ANXA3: variants seen among roughly 807,000 people sequenced by gnomAD.
ANXA3 encodes annexin A3.
A neutral mutation model predicts 48.8 loss-of-function variants in ANXA3; 46 were observed. The ratio of observed to expected loss-of-function variants is 0.94; its 90% CI spans 0.74 to 1.21. The LOEUF (loss-of-function observed/expected upper bound fraction) is 1.21. ANXA3 is among the 50% of genes most tolerant of loss of function. The probability of loss-of-function intolerance (pLI) is 0.00; values close to 1 mark genes in which losing one functional copy is unlikely to be tolerated. For missense variants in ANXA3, 383 were observed against 378.6 expected (o/e 1.01, Z -0.10); for synonymous variants, 128 against 134.7 (o/e 0.95, Z 0.35).
intron 6 of ANXA3, among the ~76,000 whole-genome samples, chr4:78,590,900 C>G (rs1176701957): frequency 6.6e-6 from 1 of 152,078 alleles, no homozygotes; most frequent in East Asian, 1.9e-4. Flanking sequence ...GACAGCTACT[C>G]AAAGCTTTTA....
chr4:78,556,620 G>A (rs140154842), intron 2 of ANXA3, among the ~76,000 whole-genome samples: 3 of 152,240 alleles, frequency 2.0e-5, no homozygotes, highest in Non-Finnish European at 4.4e-5. Flanking sequence ...TGGAAGGTGT[G>A]CTGTTGGAAG....
intron 3 of ANXA3, among the ~76,000 whole-genome samples, chr4:78,576,275 T>C (rs1227995126): frequency 1.3e-5 from 2 of 152,170 alleles, no homozygotes; most frequent in Non-Finnish European, 2.9e-5. Flanking sequence ...CATTTTTCAA[T>C]GTAAGTTATT....
At chr4:78,600,670 C>T (rs991813541) in intron 10 of ANXA3, among the ~76,000 whole-genome samples, 18 of 152,210 alleles carry the variant, frequency 1.2e-4, no homozygotes, top group African/African-American at 3.9e-4. Context: ...CTATAAGCCA[C>T]GATGAGAAAG....
intron 3 of ANXA3, among the ~76,000 whole-genome samples, chr4:78,575,953 C>G (rs1440567478): frequency 6.6e-6 from 1 of 151,910 alleles, no homozygotes; most frequent in East Asian, 1.9e-4. Flanking sequence ...TTAATTGTCC[C>G]AGAACAATGT....
intron 10 of ANXA3, among the ~76,000 whole-genome samples, chr4:78,597,831 C>T (rs1310952383): frequency 2.6e-5 from 4 of 152,200 alleles, no homozygotes; most frequent in East Asian, 1.9e-4. Flanking sequence ...CCAGGCTGGT[C>T]GTGAACTCCT....
chr4:78,556,438 G>T (rs931484149), intron 2 of ANXA3, among the ~76,000 whole-genome samples: 7 of 151,490 alleles, frequency 4.6e-5, no homozygotes, highest in African/African-American at 1.7e-4. Context: ...AAAACTTTGT[G>T]GAAAGGTGGA....
intron 12 of ANXA3, among the ~76,000 whole-genome samples, chr4:78,607,507 A>G (rs1723675491): frequency 6.6e-6 from 1 of 152,218 alleles, no homozygotes; most frequent in African/African-American, 2.4e-5. Flanking sequence ...CTACTTTATA[A>G]GAAGATATTA....
At chr4:78,575,567 C>A (rs1207591130) in intron 3 of ANXA3, among the ~76,000 whole-genome samples, 1 of 152,176 alleles carries the variant, frequency 6.6e-6, no homozygotes, top group Non-Finnish European at 1.5e-5. Flanking sequence ...CTCCTCCTTC[C>A]CTTCCACCAT....
At chr4:78,595,124 G>A (rs903332896) in intron 7 of ANXA3, among the ~76,000 whole-genome samples, 11 of 151,866 alleles carry the variant, frequency 7.2e-5, no homozygotes, top group African/African-American at 2.7e-4. Flanking sequence ...CCAACAGAGA[G>A]TGAGAACCTG....
At chr4:78,603,299 A>G (rs1723583044) in intron 11 of ANXA3, 1 of 152,226 alleles carries the variant, frequency 6.6e-6, no homozygotes, top group African/African-American at 2.4e-5. Flanking sequence ...AATTACATAG[A>G]TGAATGGAAT....
intron 8 of ANXA3, 75 bp downstream of exon 8, chr4:78,595,512 G>C: frequency 7.0e-7 from 1 of 1,436,270 alleles, no homozygotes. Flanking sequence ...TGTGAAAAGG[G>C]AGAAAAATAG....
intron 12 of ANXA3, among the ~76,000 whole-genome samples, chr4:78,606,834 C>G (rs1375559471): frequency 6.6e-6 from 1 of 152,146 alleles, no homozygotes; most frequent in East Asian, 1.9e-4. Context: ...GGAACTTACT[C>G]AAAAAGGCAA....
chr4:78,569,979 T>A (rs1722810865), intron 2 of ANXA3, among the ~76,000 whole-genome samples: 1 of 152,248 alleles, frequency 6.6e-6, no homozygotes, highest in South Asian at 2.1e-4. Flanking sequence ...ACTTTGTTCA[T>A]GTATTAGTTT....
intron 6 of ANXA3, among the ~76,000 whole-genome samples, chr4:78,590,538 T>C (rs1363607128): frequency 6.6e-6 from 1 of 152,154 alleles, no homozygotes; most frequent in Non-Finnish European, 1.5e-5. Flanking sequence ...GATAGCCACA[T>C]GGTGTCACCT....
chr4:78,552,637 C>T, intron 1 of ANXA3, among the ~76,000 whole-genome samples: 1 of 152,176 alleles, frequency 6.6e-6, no homozygotes, highest in East Asian at 1.9e-4. Flanking sequence ...CCTCTGGCTA[C>T]TGATACGAAA....
chr4:78,606,396 T>G (rs566316370), intron 12 of ANXA3, among the ~76,000 whole-genome samples: 1 of 152,282 alleles, frequency 6.6e-6, no homozygotes, highest in Admixed American at 6.5e-5. Flanking sequence ...TGGATCATTA[T>G]GCACCATGCA....
intron 3 of ANXA3, among the ~76,000 whole-genome samples, chr4:78,574,859 C>T (rs1251579702): frequency 1.3e-5 from 2 of 152,202 alleles, no homozygotes; most frequent in African/African-American, 4.8e-5. Context: ...GCTAGCATTT[C>T]TCTAGAATAT....
intron 3 of ANXA3, among the ~76,000 whole-genome samples, chr4:78,577,754 T>C (rs1722984042): frequency 6.6e-6 from 1 of 152,158 alleles, no homozygotes. Flanking sequence ...GGTGCTCTTT[T>C]ATACCTCTCT....
intron 8 of ANXA3, 65 bp from the exon 9 acceptor site, chr4:78,595,729 T>C: frequency 2.0e-6 from 2 of 1,018,180 alleles, no homozygotes; most frequent in East Asian, 4.9e-5. Flanking sequence ...ACAACTCCGA[T>C]TCTTCTCATG....
Sources: allele counts gnomAD v4.1 joint callset (sites outside exome capture counted in the v4.1 genomes callset), GRCh38; gene constraint gnomAD v4.1.1; transcripts MANE v1.5; gene names NCBI Gene and HGNC (gene_info 2026-07-23, HGNC 2026-07-21).